The following CC2D2A variants were observed in gnomAD, a reference collection of about 807,000 sequenced individuals.
CC2D2A encodes the protein coiled-coil and C2 domain containing 2A, also known as coiled-coil and C2 domain-containing protein 2A.
In CC2D2A, 155 loss-of-function variants were observed where a neutral mutation model predicts 212.9. That is an observed-to-expected ratio of 0.73 (90% CI 0.64 to 0.83). CC2D2A has a LOEUF of 0.83. CC2D2A is among the 40% of genes least tolerant of loss of function. The pLI is 0.00. For synonymous variants in CC2D2A, 667 were observed against 686.5 expected (o/e 0.97, Z 0.44); for missense variants, 1,856 against 1,956.2 (o/e 0.95, Z 0.97).
intron 4 of CC2D2A, among the ~76,000 whole-genome samples, chr4:15,484,368 AGCCT>A (rs1457510776): frequency 1.3e-5 from 2 of 152,206 alleles, no homozygotes; most frequent in Non-Finnish European, 2.9e-5. Context: ...AATTGTACCC[AGCCT>A]AGTGGGCCCT....
chr4:15,505,884 A>AATC (rs1363619076), intron 6 of CC2D2A, among the ~76,000 whole-genome samples: 2 of 152,244 alleles, frequency 1.3e-5, no homozygotes, highest in Non-Finnish European at 2.9e-5. Flanking sequence ...TCTACAAGAC[A>AATC]ATCAGATTAG....
At chr4:15,503,726 C>G (rs1373811488) in intron 6 of CC2D2A, among the ~76,000 whole-genome samples, 8 of 152,148 alleles carry the variant, frequency 5.3e-5, no homozygotes, top group Non-Finnish European at 1.5e-5. Context: ...TCTGAATGCA[C>G]TAGAGTGAAT....
chr4:15,596,391 C>T (rs533802097), intron 34 of CC2D2A, among the ~76,000 whole-genome samples, 184 bp downstream of exon 34: 1 of 151,726 alleles, frequency 6.6e-6, no homozygotes, highest in South Asian at 2.1e-4. Flanking sequence ...GACCAGTATA[C>T]ACATCTTACA....
At chr4:15,509,137 C>T (rs1022804188) in intron 6 of CC2D2A, among the ~76,000 whole-genome samples, 6 of 152,114 alleles carry the variant, frequency 3.9e-5, no homozygotes, top group African/African-American at 1.4e-4. Context: ...ACCAGAGGTT[C>T]AGTGAGGACA....
chr4:15,559,143 C>A, intron 21 of CC2D2A, 22 bp from the exon 22 acceptor site: 7 of 1,422,128 alleles, frequency 4.9e-6, no homozygotes, highest in Non-Finnish European at 5.8e-6. Context: ...GCTTTAAAAT[C>A]ATTGCCTCTT....
In CC2D2A at chr4:15,574,297, C is replaced by CTGGT. The variant is rs863225171; in HGVS notation, c.3744_3747dup (p.Pro1250GlyfsTer11). 7.1e-6 allele frequency: 11 copies of CTGGT among 1,551,270 alleles called. No homozygotes were observed. Among genetic ancestry groups the CTGGT allele is most frequent in the African/African-American group, 1.4e-5 (1 of 73,046 alleles). The stretch of plus-strand genomic sequence containing the variant: ...CCTCTTTATTACCATTGAGCCCCAG[C>CTGGT]TGGTTCCTGGAGAGTCCATTCGAGA... On this transcript the variant is annotated frameshift_variant, in exon 29 of 37. Transcript: ENST00000424120. LOFTEE classifies it high-confidence loss of function.
At chr4:15,581,033 G>C (rs1375297025) in intron 30 of CC2D2A, among the ~76,000 whole-genome samples, 1 of 152,160 alleles carries the variant, frequency 6.6e-6, no homozygotes, top group Non-Finnish European at 1.5e-5. Context: ...TGAATCAGAA[G>C]GCATATGTTA....
chr4:15,561,965 T>A (rs2109063268), intron 23 of CC2D2A, among the ~76,000 whole-genome samples: 1 of 152,334 alleles, frequency 6.6e-6, no homozygotes, highest in African/African-American at 2.4e-5. Flanking sequence ...AATTTCTTCA[T>A]CTGAAATACA....
At position 15,515,912 on chromosome 4, in the gene CC2D2A, C is replaced by G. The variant is rs1002716917; in HGVS notation, c.925C>G (p.Leu309Val). ...TCCTGAGAATGTACAGCCCAGGTTCCTGGAAGATGAAGGCCTTTACACCGG... is the reference window on the plus strand; with the variant it reads ...TCCTGAGAATGTACAGCCCAGGTTCGTGGAAGATGAAGGCCTTTACACCGG... ...KLPENVQPRF[L>V]EDEGLYTGVR... Residue 309 changes from leucine (L) to valine (V), a missense_variant, in exon 10 of 37, where the codon CTG becomes GTG. Leu to Val is a conservative substitution (Grantham distance 32). Around this residue, in one of 5 missense-constraint regions of CC2D2A, gnomAD observed 1,512 missense variants for 1,579.3 expected, o/e 0.96. Transcript: ENST00000424120. 77 of 1,556,520 alleles carry G rather than the reference C, an allele frequency of 4.9e-5. No individual in the cohort carries two copies. The East Asian group carries it at 1.8e-3, about 37-fold the overall frequency.
chr4:15,599,371 G>A (rs1403266190), intron 35 of CC2D2A, among the ~76,000 whole-genome samples, 158 bp from the exon 36 acceptor site: 1 of 152,116 alleles, frequency 6.6e-6, no homozygotes, highest in Non-Finnish European at 1.5e-5. Context: ...TCCCCAGGGA[G>A]TAGCCCATTA....
intron 4 of CC2D2A, among the ~76,000 whole-genome samples, chr4:15,488,532 A>G (rs539055155): frequency 4.6e-5 from 7 of 152,168 alleles, no homozygotes; most frequent in Non-Finnish European, 1.0e-4. Flanking sequence ...AGTGATTTTT[A>G]TAGACCTTGC....
chr4:15,558,998 C>A (rs1719430464), intron 21 of CC2D2A, among the ~76,000 whole-genome samples, 167 bp from the exon 22 acceptor site: 1 of 152,126 alleles, frequency 6.6e-6, no homozygotes, highest in Non-Finnish European at 1.5e-5. Context: ...GTCTCAGAAT[C>A]CTGGTTACTC....
chr4:15,488,510 T>C (rs1161834881), intron 4 of CC2D2A, among the ~76,000 whole-genome samples: 2 of 152,236 alleles, frequency 1.3e-5, no homozygotes, highest in Non-Finnish European at 2.9e-5. Flanking sequence ...CTCTTTGTCC[T>C]TGACTTTTGA....
chr4:15,477,702 C>T (rs1249063608), intron 2 of CC2D2A, among the ~76,000 whole-genome samples: 1 of 152,120 alleles, frequency 6.6e-6, no homozygotes, highest in East Asian at 1.9e-4. Flanking sequence ...GAGGATGCAG[C>T]TCAGAGGACA....
chr4:15,547,512 A>G (rs1193943335), intron 17 of CC2D2A, among the ~76,000 whole-genome samples: 2 of 152,118 alleles, frequency 1.3e-5, no homozygotes, highest in African/African-American at 2.4e-5. Flanking sequence ...CTTTTCTTAC[A>G]TAAGATCAGC....
intron 4 of CC2D2A, among the ~76,000 whole-genome samples, chr4:15,489,099 C>T (rs1344513402): frequency 6.6e-6 from 1 of 152,182 alleles, no homozygotes; most frequent in Non-Finnish European, 1.5e-5. Flanking sequence ...GTTTTCCATT[C>T]ATTCATGTTA....
At chr4:15,554,669 G>T (rs1180775420) in intron 19 of CC2D2A, among the ~76,000 whole-genome samples, 2 of 152,056 alleles carry the variant, frequency 1.3e-5, no homozygotes, top group African/African-American at 4.8e-5. Context: ...GAGCAAGACT[G>T]TCTCAAAAAA....
At chr4:15,495,203 G>A (rs1337128624) in intron 4 of CC2D2A, among the ~76,000 whole-genome samples, 2 of 152,132 alleles carry the variant, frequency 1.3e-5, no homozygotes, top group East Asian at 3.8e-4. Context: ...CCACCTCCTG[G>A]GTTCAAGTGA....
At chr4:15,535,835 T>A (rs1161937699) in intron 14 of CC2D2A, among the ~76,000 whole-genome samples, 1 of 152,190 alleles carries the variant, frequency 6.6e-6, no homozygotes, top group Non-Finnish European at 1.5e-5. Flanking sequence ...CTTAACTGCC[T>A]TGGGGGAAAT....
Sources: gnomAD v4.1 joint callset for allele counts (sites outside exome capture counted in the v4.1 genomes callset) on GRCh38, gnomAD v4.1.1 for gene constraint, gnomAD v4.1.1 regional missense constraint, MANE v1.5 for transcripts, NCBI Gene and HGNC (gene_info 2026-07-23, HGNC 2026-07-21) for gene names.